LHX2: variants seen among roughly 807,000 people sequenced by gnomAD.
The protein encoded by LHX2 is LIM/homeobox protein Lhx2.
LHX2 carries 6 observed loss-of-function variants against 33.0 expected under a neutral mutation model. The ratio of observed to expected loss-of-function variants is 0.18; its 90% CI spans 0.10 to 0.36. The LOEUF (loss-of-function observed/expected upper bound fraction) is 0.36. Among genes scored for constraint, LHX2 ranks in the 10% least tolerant of loss-of-function variants. The probability of loss-of-function intolerance (pLI) is 1.00; values close to 1 mark genes in which losing one functional copy is unlikely to be tolerated. For missense variants in LHX2, 442 were observed against 586.2 expected, an observed-to-expected ratio of 0.75 and a Z score of 2.54; for synonymous variants, 292 against 253.1, an observed-to-expected ratio of 1.15 and a Z score of -1.46.
In LHX2 at chr9:124,030,627, CTTTTTTT is replaced by C. The variant is rs35399092; in HGVS notation, c.934-1777_934-1771del. ...TGTAGATGAATTTCATTTTTCTTTTCTTTTTTTTTTTTTTTTTTTTTTGAGATGGAGT... is the reference window on the plus strand; with the variant it reads ...TGTAGATGAATTTCATTTTTCTTTTCTTTTTTTTTTTTTTTGAGATGGAGT... On this transcript the variant is annotated intron_variant, in intron 4 of 4. Transcript: ENST00000373615. 1.2e-4 allele frequency among the ~76,000 whole-genome samples: 13 copies of C among 105,584 alleles called. No homozygotes were observed. In the South Asian group the frequency reaches 2.7e-3, roughly 22 times the overall value. 69.3% of individuals were successfully genotyped at this position (105,584 alleles called of 152,430 possible).
rs549555977 is a variant in LHX2 at position 124,015,893 on chromosome 9, G to A, written c.727+368G>A. 6.6e-5 allele frequency among the ~76,000 whole-genome samples: 10 copies of A among 152,390 alleles called. No individual in the cohort carries two copies. The East Asian group carries it at 7.7e-4, about 12-fold the overall frequency. On this transcript the variant is annotated intron_variant, in intron 3 of 4. Transcript: ENST00000373615. This position sits in a 1 kb window ranked among gnomAD's most constrained non-coding sequence, Gnocchi z 7.9. Reference sequence around the variant, plus strand: ...TTTTGGGTTGGCGCGGCTGAGGGCCGGGAACTGGGGCAGCGAAGGAACGAG... The same window carrying A: ...TTTTGGGTTGGCGCGGCTGAGGGCCAGGAACTGGGGCAGCGAAGGAACGAG...
intron 4 of LHX2, among the ~76,000 whole-genome samples, chr9:124,026,759 T>C (rs1449439734): frequency 6.6e-6 from 1 of 152,172 alleles, no homozygotes; most frequent in East Asian, 1.9e-4. Flanking sequence ...TATTTAACTC[T>C]TGTAAAGAAA....
In LHX2 at chr9:124,015,076, A is replaced by G. The variant is rs1588345385; in HGVS notation, c.324-46A>G. On this transcript the variant is annotated intron_variant, in intron 2 of 4. Transcript: ENST00000373615. This position sits in a 1 kb window ranked among gnomAD's most constrained non-coding sequence, Gnocchi z 7.9. ...GCACCTGGAGGAGGAAAAGGGGGGT[A>G]CCCAACCGTGTGTTCCCACAGCCCC... 1 of 1,598,808 alleles carries G rather than the reference A, an allele frequency of 6.3e-7. No homozygotes were observed. The highest frequency in any genetic ancestry group is 1.1e-5 in the South Asian group (1 of 90,710).
chr9:124,020,926 C>T (rs998210767), intron 3 of LHX2, among the ~76,000 whole-genome samples, 173 bp from the exon 4 acceptor site: 10 of 152,206 alleles, frequency 6.6e-5, no homozygotes, highest in African/African-American at 2.2e-4. Flanking sequence ...ATCGCTGTCT[C>T]TGAGCCTCAG....
rs1270417439 is a variant in LHX2 at position 124,015,892 on chromosome 9, C to T, written c.727+367C>T. On this transcript the variant is annotated intron_variant, in intron 3 of 4. Coordinates refer to ENST00000373615, the MANE Select transcript of LHX2 (RefSeq NM_004789.4). The surrounding 1 kb of genome is among the most constrained non-coding windows in gnomAD (Gnocchi z 7.9). ...GTTTTGGGTTGGCGCGGCTGAGGGC[C>T]GGGAACTGGGGCAGCGAAGGAACGA... Among the ~76,000 whole-genome samples, 2 of 152,248 alleles carry T rather than the reference C, an allele frequency of 1.3e-5. No homozygotes were observed. Among genetic ancestry groups the T allele is most frequent in the Non-Finnish European group, 1.5e-5 (1 of 68,042 alleles).
At chr9:124,013,855 A>C (rs1859135162) in intron 1 of LHX2, 106 bp from the exon 2 acceptor site, 1 of 995,344 alleles carries the variant, frequency 1.0e-6, no homozygotes, top group South Asian at 1.5e-5. Context: ...CTCCGCGTTC[A>C]GGGTAGCCAA....
chr9:124,013,338 C>T (rs1859126254), intron 1 of LHX2, among the ~76,000 whole-genome samples: 1 of 152,214 alleles, frequency 6.6e-6, no homozygotes, highest in Non-Finnish European at 1.5e-5. Flanking sequence ...TTGGGTTGAA[C>T]CTGTCCTTCA....
Position 124,032,508 on chromosome 9 carries a change from T to A in LHX2, c.1022T>A (p.Leu341Gln). 6.2e-7 allele frequency: 1 copy of A among 1,613,490 alleles called. No individual in the cohort carries two copies. Reference protein sequence around the residue: ...TGVDKSTDAALQTGTPSGPAS... With the variant: ...TGVDKSTDAAQQTGTPSGPAS... ...GTGGACAAGTCGACAGACGCGGCGC[T>A]GCAGACAGGGACGCCATCGGGCCCG... Residue 341 changes from leucine (L) to glutamine (Q), a missense_variant, in exon 5 of 5, where the codon CTG becomes CAG. Physicochemically the swap from Leu to Gln is moderately radical, Grantham distance 113 (BLOSUM62 -2). Around this residue, in one of 5 missense-constraint regions of LHX2, gnomAD observed 109 missense variants for 98.7 expected, o/e 1.10. Transcript: ENST00000373615. This position sits in a 1 kb window ranked among gnomAD's most constrained non-coding sequence, Gnocchi z 4.1.
rs1025962237 is a variant in LHX2 at position 124,016,959 on chromosome 9, G to T, written c.727+1434G>T. 6.6e-6 allele frequency among the ~76,000 whole-genome samples: 1 copy of T among 152,152 alleles called. No homozygotes were observed. The highest frequency in any genetic ancestry group is 1.5e-5 in the Non-Finnish European group (1 of 68,030). ...ACTCGGAAGCACCTCGCGGGGCTCG[G>T]CTCCAGGGCACCTGGTGGCTGGGGA... On this transcript the variant is annotated intron_variant, in intron 3 of 4. Coordinates refer to ENST00000373615, the MANE Select transcript of LHX2 (RefSeq NM_004789.4). The surrounding 1 kb of genome is among the most constrained non-coding windows in gnomAD (Gnocchi z 4.4).
Position 124,021,247 on chromosome 9 carries a change from C to T in LHX2, c.876C>T (p.Asp292=), listed in dbSNP as rs767627020. The T allele has an allele frequency of 5.0e-6, 8 of 1,614,070 alleles. No homozygotes were observed. In the African/African-American group the frequency reaches 5.3e-5, roughly 11 times the overall value. Residue 292 remains aspartate (D), a synonymous_variant, in exon 4 of 5, where the codon GAC becomes GAT. Coordinates refer to ENST00000373615, the MANE Select transcript of LHX2 (RefSeq NM_004789.4). The part of the protein sequence containing the change: ...KSYFAINHNP[D]AKDLKQLAQK... ...ACTTTGCCATTAACCACAACCCCGA[C>T]GCCAAGGACTTGAAGCAGCTCGCGC... is the stretch of plus-strand genomic sequence containing the variant.
intron 1 of LHX2, among the ~76,000 whole-genome samples, chr9:124,013,413 G>A (rs1859127499): frequency 6.6e-6 from 1 of 152,242 alleles, no homozygotes; most frequent in Non-Finnish European, 1.5e-5. Flanking sequence ...GAGGGCCCCA[G>A]CCCGTGTGGC....
rs1859112146 is a variant in LHX2, at chr9:124,012,578, G to A, written c.120+110G>A. The A allele has an allele frequency of 8.0e-7, 1 of 1,252,310 alleles. No individual in the cohort carries two copies. Among genetic ancestry groups the A allele is most frequent in the Admixed American group, 3.8e-5 (1 of 26,398 alleles). The allele number at this position is 1,252,310 out of a possible 1,614,324, so 77.6% of individuals were successfully genotyped here. A position where few individuals can be genotyped will look rare whatever the true frequency, so the allele number is the denominator to read the frequency against. On this transcript the variant is annotated intron_variant, in intron 1 of 4. Transcript: ENST00000373615. This position sits in a 1 kb window ranked among gnomAD's most constrained non-coding sequence, Gnocchi z 4.3. ...CGTCCTTCGTGCCGCACGGGACTGGGTGCTGGGGATCCTCGGTCAGAATGC... is the reference window on the plus strand; with the variant it reads ...CGTCCTTCGTGCCGCACGGGACTGGATGCTGGGGATCCTCGGTCAGAATGC...
chr9:124,013,075 G>C (rs1384217782), intron 1 of LHX2, among the ~76,000 whole-genome samples: 3 of 152,220 alleles, frequency 2.0e-5, no homozygotes, highest in Non-Finnish European at 2.9e-5. Flanking sequence ...ACTCCATTTG[G>C]ATCTCTACAC....
intron 4 of LHX2, among the ~76,000 whole-genome samples, chr9:124,023,740 A>G (rs1828557737): frequency 6.6e-6 from 1 of 152,244 alleles, no homozygotes; most frequent in African/African-American, 2.4e-5. Flanking sequence ...GTTACCTCTT[A>G]TTCTTTCATC....
At chr9:124,025,493 C>T (rs1004421145) in intron 4 of LHX2, among the ~76,000 whole-genome samples, 2 of 151,076 alleles carry the variant, frequency 1.3e-5, no homozygotes, top group Admixed American at 1.3e-4. Context: ...GCATGGAGAC[C>T]ATTTCTCACC....
In LHX2 at chr9:124,021,244, C is replaced by T. The variant is rs759841029; in HGVS notation, c.873C>T (p.Pro291=). 9 of 1,614,182 alleles carry T rather than the reference C, an allele frequency of 5.6e-6. No individual in the cohort carries two copies. In the Admixed American group the frequency reaches 6.7e-5, roughly 12 times the overall value. The change falls in exon 4 of 5, where the codon CCC becomes CCT. Residue 291 remains proline, a synonymous_variant. Coordinates refer to ENST00000373615, the MANE Select transcript of LHX2 (RefSeq NM_004789.4). ...CTTACTTTGCCATTAACCACAACCC[C>T]GACGCCAAGGACTTGAAGCAGCTCG... The part of the protein sequence containing the change: ...MKSYFAINHN[P]DAKDLKQLAQ...
chr9:124,026,187 G>A (rs1215980430), intron 4 of LHX2, among the ~76,000 whole-genome samples: 2 of 152,164 alleles, frequency 1.3e-5, no homozygotes, highest in Non-Finnish European at 2.9e-5. Flanking sequence ...GGCTGGGCGT[G>A]GTGGCTCACG....
intron 4 of LHX2, among the ~76,000 whole-genome samples, chr9:124,022,123 G>A (rs1859303392): frequency 6.6e-6 from 1 of 152,170 alleles, no homozygotes; most frequent in African/African-American, 2.4e-5. Flanking sequence ...CCAAAGTTGT[G>A]GCAGAGTCGT....
In LHX2 at chr9:124,016,148, T is replaced by G. The variant is rs1309120531; in HGVS notation, c.727+623T>G. On this transcript the variant is annotated intron_variant, in intron 3 of 4. Coordinates refer to ENST00000373615, the MANE Select transcript of LHX2 (RefSeq NM_004789.4). This position sits in a 1 kb window ranked among gnomAD's most constrained non-coding sequence, Gnocchi z 4.4. ...TTTTTCCTCCGAGTTTCCTGGCGCC[T>G]GCTGGGGTGAGGGCCGTGACCCTCG... Among the ~76,000 whole-genome samples the G allele has an allele frequency of 2.1e-5, 3 of 146,100 alleles. No homozygotes were observed. In the East Asian group the frequency reaches 6.6e-4, roughly 32 times the overall value.
Sources: gnomAD v4.1 joint callset for allele counts (sites outside exome capture counted in the v4.1 genomes callset) on GRCh38, gnomAD v4.1.1 for gene constraint, gnomAD v4.1.1 regional missense constraint, Gnocchi (gnomAD v3.1) non-coding constraint, MANE v1.5 for transcripts, NCBI Gene and HGNC (gene_info 2026-07-23, HGNC 2026-07-21) for gene names.